Variants in ATAT1 observed in about 807,000 individuals in gnomAD.
The protein encoded by ATAT1 is alpha-tubulin N-acetyltransferase 1.
Under a neutral mutation model 57.2 loss-of-function variants are expected in ATAT1, and 42 were observed. That is an observed-to-expected ratio of 0.73 (90% CI 0.57 to 0.95). ATAT1 has a LOEUF of 0.95. ATAT1 is among the 40% of genes least tolerant of loss of function. The pLI is 0.00. For synonymous variants in ATAT1, 168 were observed against 187.1 expected, an observed-to-expected ratio of 0.90 and a Z score of 0.83; for missense variants, 454 against 523.7, an observed-to-expected ratio of 0.87 and a Z score of 1.30.
chr6:30,643,120 CT>C, intron 10 of ATAT1, 109 bp downstream of exon 10: 1 of 1,510,900 alleles, frequency 6.6e-7, no homozygotes, highest in Non-Finnish European at 8.8e-7. Context: ...AGATGGGTGG[CT>C]TGGGGGGGGT....
chr6:30,642,833 G>GCCCCCCCCCCCCCCCCCCCCC lies in ATAT1; in HGVS notation c.757_758insCCCCCCCCCCCCCCCCCCCCC (p.Ala252_His253insProProProProProProPro). 6 of 1,537,850 alleles carry GCCCCCCCCCCCCCCCCCCCCC rather than the reference G, an allele frequency of 3.9e-6. No homozygotes were observed. Among genetic ancestry groups the GCCCCCCCCCCCCCCCCCCCCC allele is most frequent in the South Asian group, 3.5e-5 (3 of 86,356 alleles). On this transcript the variant is annotated inframe_insertion, in exon 10 of 13. Transcript: ENST00000330083. ...GGCCCCTCGCCGCGCCACACCTCCAGCCCACCCACCCCCCCGCTCCAGCAG... is the reference window on the plus strand; with the variant it reads ...GGCCCCTCGCCGCGCCACACCTCCAGCCCCCCCCCCCCCCCCCCCCCCCCACCCACCCCCCCGCTCCAGCAG...
intron 6 of ATAT1, among the ~76,000 whole-genome samples, chr6:30,632,703 C>T (rs1402648349): frequency 6.6e-6 from 1 of 151,662 alleles, no homozygotes; most frequent in Non-Finnish European, 1.5e-5. Context: ...TTTGGGAGGC[C>T]GAGGCAGGTG....
Position 30,639,842 on chromosome 6 carries a change from G to A in ATAT1, c.502-535G>A, listed in dbSNP as rs375733994. Among the ~76,000 whole-genome samples the A allele has an allele frequency of 4.1e-4, 62 of 152,116 alleles. 2 individuals carry two copies. The South Asian group carries it at 0.012, about 30-fold the overall frequency. On this transcript the variant is annotated intron_variant, in intron 6 of 12. Coordinates refer to ENST00000330083, the MANE Select transcript of ATAT1 (RefSeq NM_001031722.4). Reference sequence around the variant, plus strand: ...TCAGCTGAACCATTATGTTAGAATTGCCTACAGCTGGCTGAGCATGGTGGC... The same window carrying A: ...TCAGCTGAACCATTATGTTAGAATTACCTACAGCTGGCTGAGCATGGTGGC...
chr6:30,645,370 C>T (rs760866252), intron 10 of ATAT1, among the ~76,000 whole-genome samples: 2 of 152,070 alleles, frequency 1.3e-5, no homozygotes, highest in East Asian at 1.9e-4. Context: ...AGTGCACCAC[C>T]GTGCCCAGCT....
rs3094105 is a variant in ATAT1, at chr6:30,634,637, C to T, written c.502-5740C>T. Reference sequence around the variant, plus strand: ...ACTTCTGACTTTACTTGTGGTGTGACCATATTCATTATAATCTCAAAGGAG... The same window carrying T: ...ACTTCTGACTTTACTTGTGGTGTGATCATATTCATTATAATCTCAAAGGAG... On this transcript the variant is annotated intron_variant, in intron 6 of 12. Transcript: ENST00000330083. Among the ~76,000 whole-genome samples the T allele has an allele frequency of 7.6e-3, 1,047 of 138,004 alleles. 9 individuals are homozygous for T. The highest frequency in any genetic ancestry group is 0.01 in the Admixed American group (131 of 12,722). The allele number at this position is 138,004 out of a possible 152,430, so 90.5% of individuals were successfully genotyped here. A position where few individuals can be genotyped will look rare whatever the true frequency, so the allele number is the denominator to read the frequency against.
At chr6:30,631,925 G>A (rs4713340) in intron 6 of ATAT1, among the ~76,000 whole-genome samples, 17,938 of 152,160 alleles carry the variant, frequency 0.12, 1,403 homozygotes, top group South Asian at 0.2. Flanking sequence ...ATGAGTCAGC[G>A]GAGGAGTATG....
At chr6:30,642,679 C>A in intron 9 of ATAT1, 89 bp from the exon 10 acceptor site, 2 of 831,554 alleles carry the variant, frequency 2.4e-6, no homozygotes, top group South Asian at 1.5e-5. Context: ...ACTCAGATTT[C>A]TCTTTTTTTC....
In ATAT1 at chr6:30,627,498, A is replaced by T; in HGVS notation, c.110A>T (p.Glu37Val). 1 of 1,613,468 alleles carries T rather than the reference A, an allele frequency of 6.2e-7. No homozygotes were observed. The highest frequency in any genetic ancestry group is 8.5e-7 in the Non-Finnish European group (1 of 1,179,878). ...CAGCAAATTATGACCATTATAGATGAACTGGGCAAGGCTTCTGCCAAGGTA... is the reference window on the plus strand; with the variant it reads ...CAGCAAATTATGACCATTATAGATGTACTGGGCAAGGCTTCTGCCAAGGTA... Residue 37 changes from glutamate (E) to valine (V), a missense_variant, in exon 2 of 13, where the codon GAA becomes GTA. By Grantham distance (121) the Glu-to-Val change is moderately radical. This residue lies in a region of ATAT1 where 236 missense variants were observed against 284.5 expected (regional missense o/e 0.83). Transcript: ENST00000330083.
In ATAT1 at chr6:30,643,645, A is replaced by T. The variant is rs1766030132; in HGVS notation, c.932+634A>T. 3 of 1,549,022 alleles carry T rather than the reference A, an allele frequency of 1.9e-6. No individual in the cohort carries two copies. The East Asian group carries it at 7.3e-5, about 38-fold the overall frequency. ...AACCTCAGACCCACTCTTCCATTGC[A>T]TCCTGTAGGACCCAGTGGAACCTGA... On this transcript the variant is annotated intron_variant, in intron 10 of 12. Coordinates refer to ENST00000330083, the MANE Select transcript of ATAT1 (RefSeq NM_001031722.4).
chr6:30,643,841 T>C, intron 10 of ATAT1: 3 of 1,318,106 alleles, frequency 2.3e-6, no homozygotes, highest in Non-Finnish European at 2.9e-6. Flanking sequence ...ACTTCTTGGT[T>C]AGATGGCTCA....
At position 30,627,236 on chromosome 6, in the gene ATAT1, A is replaced by AAT. The variant is rs1561887536; in HGVS notation, c.35_36dup (p.Thr13Ter). On this transcript the variant is annotated frameshift_variant, in exon 1 of 13. Transcript: ENST00000330083. LOFTEE classifies it high-confidence loss of function. ...TGACCTGGCCTTTCTGCTTCCTCAC[A>AAT]ATAACCTTAAGGGAGGAGGGAGTGT... The AAT allele has an allele frequency of 8.7e-6, 14 of 1,613,788 alleles. No individual in the cohort carries two copies. The highest frequency in any genetic ancestry group is 1.3e-5 in the African/African-American group (1 of 74,950).
Position 30,628,438 on chromosome 6 carries a change from G to A in ATAT1, c.501+8G>A, listed in dbSNP as rs1762132486. 2 of 1,597,544 alleles carry A rather than the reference G, an allele frequency of 1.3e-6. No homozygotes were observed. Among genetic ancestry groups the A allele is most frequent in the Non-Finnish European group, 1.7e-6 (2 of 1,166,066 alleles). On this transcript the variant is annotated splice_region_variant and intron_variant, in intron 6 of 12. Coordinates refer to ENST00000330083, the MANE Select transcript of ATAT1 (RefSeq NM_001031722.4). Reference sequence around the variant, plus strand: ...GAGACCACAGTCCCACAGGTTAGAGGTTTCAGAGAATAGATCCCCACTGAG... The same window carrying A: ...GAGACCACAGTCCCACAGGTTAGAGATTTCAGAGAATAGATCCCCACTGAG...
chr6:30,627,755 T>C, intron 3 of ATAT1, 28 bp downstream of exon 3: 2 of 1,607,300 alleles, frequency 1.2e-6, no homozygotes, highest in African/African-American at 1.3e-5. Flanking sequence ...TTCCATCCCA[T>C]ACTTAATTCC....
rs528268212 is a variant in ATAT1, at chr6:30,640,508, G to A, written c.548-27G>A. 4.6e-5 allele frequency: 75 copies of A among 1,612,930 alleles called. No individual in the cohort carries two copies. In the East Asian group the frequency reaches 1.6e-3, roughly 34 times the overall value. On this transcript the variant is annotated intron_variant, in intron 7 of 12. Transcript: ENST00000330083. Reference sequence around the variant, plus strand: ...CTTGGTCCTGCCGACCCCTCACTGAGGGGCCCCGCCGCTTCCTTCCTCACA... The same window carrying A: ...CTTGGTCCTGCCGACCCCTCACTGAAGGGCCCCGCCGCTTCCTTCCTCACA...
At chr6:30,639,622 G>A (rs543721890) in intron 6 of ATAT1, among the ~76,000 whole-genome samples, 6 of 151,840 alleles carry the variant, frequency 4.0e-5, no homozygotes, top group Admixed American at 1.3e-4. Context: ...GACTACAGGC[G>A]CCCGCCACCA....
chr6:30,643,247 T>C (rs1036905396), intron 10 of ATAT1: 4 of 1,421,434 alleles, frequency 2.8e-6, no homozygotes, highest in East Asian at 2.5e-5. Flanking sequence ...GTGAGAGTTA[T>C]GTGGAATGGT....
intron 6 of ATAT1, among the ~76,000 whole-genome samples, chr6:30,631,259 G>A (rs867400597): frequency 1.3e-5 from 2 of 151,960 alleles, no homozygotes; most frequent in Non-Finnish European, 2.9e-5. Context: ...CGAGGCGCGC[G>A]GATCACGAGG....
At position 30,627,512 on chromosome 6, in the gene ATAT1, T is replaced by C; in HGVS notation, c.124T>C (p.Ser42Pro). The change falls in exon 2 of 13, where the codon TCT becomes CCT. Residue 42 changes from serine to proline, a missense_variant. Physicochemically the swap from Ser to Pro is moderately conservative, Grantham distance 74 (BLOSUM62 -1). This residue lies in a region of ATAT1 where 236 missense variants were observed against 284.5 expected (regional missense o/e 0.83). Transcript: ENST00000330083. ...CATTATAGATGAACTGGGCAAGGCT[T>C]CTGCCAAGGTACTGGAGAGTTTTTA... 2 of 1,613,186 alleles carry C rather than the reference T, an allele frequency of 1.2e-6. No individual in the cohort carries two copies. Among genetic ancestry groups the C allele is most frequent in the Non-Finnish European group, 1.7e-6 (2 of 1,179,782 alleles).
chr6:30,638,115 G>C (rs1764545451), intron 6 of ATAT1, among the ~76,000 whole-genome samples: 1 of 152,034 alleles, frequency 6.6e-6, no homozygotes, highest in South Asian at 2.1e-4. Flanking sequence ...CTGACCTCGT[G>C]ATCGGCCCGC....
Sources: gnomAD v4.1 joint callset for allele counts (sites outside exome capture counted in the v4.1 genomes callset) on GRCh38, gnomAD v4.1.1 for gene constraint, gnomAD v4.1.1 regional missense constraint, MANE v1.5 for transcripts, NCBI Gene and HGNC (gene_info 2026-07-23, HGNC 2026-07-21) for gene names.